The following COPG2 variants were observed in gnomAD, a reference collection of about 807,000 sequenced individuals.
The protein encoded by COPG2 is coat protein complex I subunit gamma 2, also known as coatomer subunit gamma-2.
A neutral mutation model predicts 46.3 loss-of-function variants in COPG2; 37 were observed. That is an observed-to-expected ratio of 0.80 (90% CI 0.61 to 1.05). The LOEUF (loss-of-function observed/expected upper bound fraction) is 1.05, where lower values mean the gene tolerates loss of function less well. Among genes scored for constraint, COPG2 ranks in the 50% least tolerant of loss-of-function variants. COPG2 has a pLI of 0.00. For synonymous variants in COPG2, 159 were observed against 129.7 expected (o/e 1.23, Z -1.53); for missense variants, 427 against 387.8 (o/e 1.10, Z -0.85).
chr7:130,572,354 A>G (rs1554445662), intron 9 of COPG2, among the ~76,000 whole-genome samples: 1 of 152,218 alleles, frequency 6.6e-6, no homozygotes, highest in Non-Finnish European at 1.5e-5. Flanking sequence ...GAACAACATG[A>G]TCAACCAACT....
At chr7:130,667,456 G>C in intron 2 of COPG2, 26 bp downstream of exon 2, 1 of 1,602,500 alleles carries the variant, frequency 6.2e-7, no homozygotes, top group South Asian at 1.1e-5. Flanking sequence ...AGAAAAGAAA[G>C]GGCACAAGAT....
At chr7:130,542,561 CTG>C (rs1159977239) in intron 20 of COPG2, among the ~76,000 whole-genome samples, 1 of 151,874 alleles carries the variant, frequency 6.6e-6, no homozygotes, top group Non-Finnish European at 1.5e-5. Flanking sequence ...ATTCCTGAGT[CTG>C]TGGATTGACT....
intron 5 of COPG2, among the ~76,000 whole-genome samples, chr7:130,617,941 T>C (rs782541888): frequency 4.0e-5 from 6 of 151,384 alleles, no homozygotes; most frequent in Non-Finnish European, 7.4e-5. Flanking sequence ...TCTCTACAGA[T>C]AATACAAAAA....
intron 20 of COPG2, among the ~76,000 whole-genome samples, chr7:130,522,784 C>T (rs1248972162): frequency 1.2e-4 from 18 of 151,758 alleles, no homozygotes; most frequent in Admixed American, 7.2e-4. Flanking sequence ...AGTAAAAAAA[C>T]GAACAAACAA....
chr7:130,578,472 C>A (rs1794058796), intron 9 of COPG2, among the ~76,000 whole-genome samples: 1 of 151,884 alleles, frequency 6.6e-6, no homozygotes, highest in Non-Finnish European at 1.5e-5. Flanking sequence ...CAGTTCCTCA[C>A]CAGCAACGGA....
chr7:130,566,157 C>T (rs1793799648), intron 9 of COPG2, among the ~76,000 whole-genome samples: 1 of 152,140 alleles, frequency 6.6e-6, no homozygotes, highest in Non-Finnish European at 1.5e-5. Flanking sequence ...CAGAGTGAAA[C>T]TGTTGAAAGC....
At chr7:130,640,158 C>CA (rs1795436254) in intron 5 of COPG2, among the ~76,000 whole-genome samples, 2 of 96,498 alleles carry the variant, frequency 2.1e-5, no homozygotes, top group African/African-American at 3.6e-5. Flanking sequence ...CACCACCAAC[C>CA]TTTTTTTTTT....
At chr7:130,627,925 A>G (rs1473893408) in intron 5 of COPG2, among the ~76,000 whole-genome samples, 1 of 152,222 alleles carries the variant, frequency 6.6e-6, no homozygotes, top group Non-Finnish European at 1.5e-5. Context: ...TAGTTTTACC[A>G]AGAACAACTG....
Position 130,538,283 on chromosome 7 carries a change from A to T in COPG2, c.2149+9391T>A, listed in dbSNP as rs962845776. Among the ~76,000 whole-genome samples, 35 of 152,248 alleles carry T rather than the reference A, an allele frequency of 2.3e-4. No homozygotes were observed. In the East Asian group the frequency reaches 6.8e-3, roughly 29 times the overall value. ...AAAAAGTGAGACATTGGAGTGGAGC[A>T]GCCACATGGAGGTGGTGTGATGTGA... On this transcript the variant is annotated intron_variant, in intron 20 of 23. Transcript: ENST00000425248.
At chr7:130,525,616 C>T (rs1799765939) in intron 20 of COPG2, among the ~76,000 whole-genome samples, 1 of 152,124 alleles carries the variant, frequency 6.6e-6, no homozygotes, top group Non-Finnish European at 1.5e-5. Flanking sequence ...TCTGCTGTCA[C>T]GGAAGGCTAA....
intron 9 of COPG2, chr7:130,608,059 T>A (rs1017552957): frequency 2.9e-6 from 1 of 339,656 alleles, no homozygotes. Flanking sequence ...GAAGCTCAAC[T>A]GAATATTTTT....
intron 19 of COPG2, 75 bp from the exon 20 acceptor site, chr7:130,547,920 C>G: frequency 2.5e-6 from 1 of 398,292 alleles, no homozygotes; most frequent in Non-Finnish European, 4.4e-6. Flanking sequence ...CTACTCAGCT[C>G]TGGAACCCAC....
intron 20 of COPG2, among the ~76,000 whole-genome samples, chr7:130,514,793 T>C (rs1187559078): frequency 2.6e-5 from 4 of 152,140 alleles, no homozygotes; most frequent in Non-Finnish European, 4.4e-5. Context: ...TTAAATAAAC[T>C]AGATAATGAT....
At chr7:130,639,722 AG>A (rs1319706262) in intron 5 of COPG2, among the ~76,000 whole-genome samples, 1 of 152,314 alleles carries the variant, frequency 6.6e-6, no homozygotes, top group East Asian at 1.9e-4. Flanking sequence ...ATGCTTCTTT[AG>A]GAATAGTCCA....
intron 5 of COPG2, among the ~76,000 whole-genome samples, chr7:130,644,618 C>T (rs540297459): frequency 2.0e-4 from 30 of 152,258 alleles, no homozygotes; most frequent in African/African-American, 6.5e-4. Flanking sequence ...ATAGTGTCTT[C>T]CATACTGAAC....
chr7:130,628,152 G>A (rs560097258), intron 5 of COPG2, among the ~76,000 whole-genome samples: 7 of 152,176 alleles, frequency 4.6e-5, no homozygotes, highest in Non-Finnish European at 7.4e-5. Flanking sequence ...TTTTGCAGGA[G>A]ACTACAGTTT....
chr7:130,520,949 T>C (rs1799718829), intron 20 of COPG2, among the ~76,000 whole-genome samples: 1 of 152,220 alleles, frequency 6.6e-6, no homozygotes, highest in Non-Finnish European at 1.5e-5. Flanking sequence ...AATTAGGTCA[T>C]TATCCTTTAA....
intron 12 of COPG2, among the ~76,000 whole-genome samples, chr7:130,557,837 AAT>A (rs1314964902): frequency 6.7e-6 from 1 of 148,536 alleles, no homozygotes; most frequent in Non-Finnish European, 1.5e-5. Context: ...AAAAAAAAAA[AAT>A]CATGCAAGAA....
chr7:130,651,306 T>C (rs1360862752), intron 5 of COPG2, among the ~76,000 whole-genome samples: 1 of 150,820 alleles, frequency 6.6e-6, no homozygotes, highest in African/African-American at 2.4e-5. Flanking sequence ...ACATTTTTTA[T>C]ATATATACAT....
Sources: allele counts gnomAD v4.1 joint callset (sites outside exome capture counted in the v4.1 genomes callset), GRCh38; gene constraint gnomAD v4.1.1; transcripts MANE v1.5; gene names NCBI Gene and HGNC (gene_info 2026-07-23, HGNC 2026-07-21).